Variants in FRMD8 observed in about 807,000 individuals in gnomAD.
The protein encoded by FRMD8 is FERM domain containing 8.
In FRMD8, 37 loss-of-function variants were observed where a neutral mutation model predicts 54.2. The observed-to-expected ratio is 0.68, with a 90% confidence interval of 0.53 to 0.90. The LOEUF is 0.90. FRMD8 is among the 40% of genes least tolerant of loss of function. The probability of loss-of-function intolerance (pLI) is 0.00; values close to 1 mark genes in which losing one functional copy is unlikely to be tolerated. For missense variants in FRMD8, 585 were observed against 653.7 expected, an observed-to-expected ratio of 0.89 and a Z score of 1.15; for synonymous variants, 246 against 286.9, an observed-to-expected ratio of 0.86 and a Z score of 1.44.
At chr11:65,390,017 T>G (rs1174626683) in intron 3 of FRMD8, among the ~76,000 whole-genome samples, 1 of 152,156 alleles carries the variant, frequency 6.6e-6, no homozygotes, top group Non-Finnish European at 1.5e-5. Context: ...CTCTTTGAAC[T>G]GTTCCTGTTC....
the FRMD8 span, among the ~76,000 whole-genome samples, chr11:65,371,439 G>A: frequency 1.3e-5 from 2 of 152,218 alleles, no homozygotes; most frequent in East Asian, 3.8e-4. Context: ...GCAAGTGACT[G>A]ACAGACACCA....
At chr11:65,383,350 G>A (rs1855662880), upstream of FRMD8, 1 of 152,418 alleles carries the variant, frequency 6.6e-6, no homozygotes, top group Non-Finnish European at 1.5e-5. Context: ...GGGCTCCTTG[G>A]GCCACCCCCA....
In FRMD8 at chr11:65,399,862, A is replaced by G; in HGVS notation, c.927+3A>G. 6.2e-7 allele frequency: 1 copy of G among 1,611,462 alleles called. No homozygotes were observed. Among genetic ancestry groups the G allele is most frequent in the Non-Finnish European group, 8.5e-7 (1 of 1,178,562 alleles). Reference sequence around the variant, plus strand: ...ACGTCATCGATAGCAGAGAGAAGGTACTGCCCCCAGCTCCTCCAGGGTGGA... The same window carrying G: ...ACGTCATCGATAGCAGAGAGAAGGTGCTGCCCCCAGCTCCTCCAGGGTGGA... On this transcript the variant is annotated splice_donor_region_variant and intron_variant, in intron 8 of 10. Transcript: ENST00000317568.
intron 9 of FRMD8, among the ~76,000 whole-genome samples, 177 bp downstream of exon 9, chr11:65,401,044 G>A (rs1856066282): frequency 6.6e-6 from 1 of 152,110 alleles, no homozygotes. Context: ...GAGCTGCCCT[G>A]GGAGGTCAGG....
At chr11:65,381,944 A>G (rs776192965), upstream of FRMD8, 60 of 1,613,758 alleles carry the variant, frequency 3.7e-5, no homozygotes, top group East Asian at 1.3e-3. Flanking sequence ...AAATTCCTCC[A>G]CCGGCATTGT....
At chr11:65,405,136 C>T in intron 10 of FRMD8, 68 bp downstream of exon 10, 1 of 1,476,230 alleles carries the variant, frequency 6.8e-7, no homozygotes, top group South Asian at 1.2e-5. Context: ...GGGGGAGTTC[C>T]TGAGGACAGG....
Position 65,411,489 on chromosome 11 carries a change from C to A in FRMD8, c.*129C>A. The A allele has an allele frequency of 3.3e-6, 2 of 609,312 alleles. No individual in the cohort carries two copies. The highest frequency in any genetic ancestry group is 2.7e-6 in the Non-Finnish European group (1 of 365,744). The allele number at this position is 609,312 out of a possible 1,614,324, so 37.7% of individuals were successfully genotyped here. The stretch of plus-strand genomic sequence containing the variant: ...GGGAGGGCTGCCTCAGCAGGTTTCT[C>A]AGACCACGGAGAAGTGACTTTTGGG... On this transcript the variant is annotated 3_prime_UTR_variant, in exon 11 of 11. Coordinates refer to ENST00000317568, the MANE Select transcript of FRMD8 (RefSeq NM_031904.5).
At chr11:65,386,299 C>G (rs2137850306), upstream of FRMD8, among the ~76,000 whole-genome samples, 1 of 152,294 alleles carries the variant, frequency 6.6e-6, no homozygotes, top group South Asian at 2.1e-4. Context: ...CGCATGGATC[C>G]CTGGCACGTG....
chr11:65,380,682 T>G, the FRMD8 span: 1 of 1,083,386 alleles, frequency 9.2e-7, no homozygotes, highest in Non-Finnish European at 1.2e-6. Context: ...TCCCCTCCCC[T>G]CCACCTGCCC....
intron 9 of FRMD8, among the ~76,000 whole-genome samples, chr11:65,401,492 G>T (rs925092234): frequency 6.7e-6 from 1 of 148,714 alleles, no homozygotes; most frequent in African/African-American, 2.5e-5. Context: ...TTCATCTCGG[G>T]TCTCTCTGGA....
chr11:65,392,353 A>G (rs1855863061), intron 3 of FRMD8, among the ~76,000 whole-genome samples: 1 of 152,182 alleles, frequency 6.6e-6, no homozygotes, highest in South Asian at 2.1e-4. Flanking sequence ...GCGATTGGCC[A>G]TCAGTGGGGA....
At chr11:65,379,765 C>G in the FRMD8 span, 1 of 1,487,514 alleles carries the variant, frequency 6.7e-7, no homozygotes, top group Non-Finnish European at 9.3e-7. Context: ...ACTTGGTCTT[C>G]TCTCCTCCAG....
the FRMD8 span, chr11:65,377,366 A>G: frequency 7.9e-7 from 1 of 1,270,276 alleles, no homozygotes; most frequent in Non-Finnish European, 9.9e-7. Flanking sequence ...ACAAGCCTGG[A>G]TTCTTTTTGC....
Position 65,399,845 on chromosome 11 carries a change from G to T in FRMD8, c.913G>T (p.Asp305Tyr). The change falls in exon 8 of 11, where the codon GAT (aspartate) becomes TAT (tyrosine). Residue 305 changes from aspartate (D) to tyrosine (Y), a missense_variant. Transcript: ENST00000317568. ...AISLEGVHVI[D>Y]SREKHVLLGL... ...CAGTCTGGAAGGCGTGCACGTCATC[G>T]ATAGCAGAGAGAAGGTACTGCCCCC... The T allele has an allele frequency of 6.2e-7, 1 of 1,613,486 alleles. No homozygotes were observed. The highest frequency in any genetic ancestry group is 2.2e-5 in the East Asian group (1 of 44,866).
the FRMD8 span, chr11:65,379,450 G>A: frequency 5.1e-5 from 83 of 1,613,926 alleles, 1 homozygote; most frequent in Non-Finnish European, 1.7e-6. Context: ...CGCTCCTGGT[G>A]GGAGGTGGCC....
chr11:65,399,493 C>T (rs576452114), intron 7 of FRMD8, among the ~76,000 whole-genome samples: 5 of 152,308 alleles, frequency 3.3e-5, no homozygotes, highest in East Asian at 1.9e-4. Flanking sequence ...CGCTTCCCTC[C>T]GCCTGCAGTG....
rs201377826 is a variant in FRMD8 at position 65,390,510 on chromosome 11, A to G, written c.253+982A>G. On this transcript the variant is annotated intron_variant, in intron 3 of 10. Transcript: ENST00000317568. ...TTCTCCTGAGGCTGCTGGTTGGGGG[A>G]GAGGGAACATTTGGCACCCCTGCTC... is the stretch of plus-strand genomic sequence containing the variant. Among the ~76,000 whole-genome samples the G allele has an allele frequency of 2.7e-4, 41 of 151,996 alleles. 1 individual carries two copies. In the East Asian group the frequency reaches 7.6e-3, roughly 28 times the overall value.
At chr11:65,407,644 A>G (rs1856231530) in intron 10 of FRMD8, among the ~76,000 whole-genome samples, 1 of 151,828 alleles carries the variant, frequency 6.6e-6, no homozygotes, top group Non-Finnish European at 1.5e-5. Flanking sequence ...TAATCCCAGC[A>G]CTTTGGGAGG....
At chr11:65,376,591 CG>C in the FRMD8 span, 2 of 1,614,106 alleles carry the variant, frequency 1.2e-6, no homozygotes, top group Middle Eastern at 3.3e-4. Context: ...CATCTGCATC[CG>C]GGACTTGATC....
Sources: gnomAD v4.1 joint callset for allele counts (sites outside exome capture counted in the v4.1 genomes callset) on GRCh38, gnomAD v4.1.1 for gene constraint, MANE v1.5 for transcripts, NCBI Gene and HGNC (gene_info 2026-07-23, HGNC 2026-07-21) for gene names.